The following ME3 variants were observed in gnomAD, a reference collection of about 807,000 sequenced individuals.
ME3 encodes the protein malic enzyme 3.
Under a neutral mutation model 68.9 loss-of-function variants are expected in ME3, and 48 were observed. The observed-to-expected ratio is 0.70, with a 90% confidence interval of 0.55 to 0.89. The LOEUF is 0.89. Ranked by LOEUF, ME3 falls within the 40% of genes least tolerant of loss-of-function variation. The pLI, the probability that ME3 is intolerant of heterozygous loss-of-function variation, is 0.00. For missense variants in ME3, 675 were observed against 797.4 expected (o/e 0.85, Z 1.85); for synonymous variants, 320 against 318.8 (o/e 1.00, Z -0.04).
intron 2 of ME3, among the ~76,000 whole-genome samples, chr11:86,624,531 A>C (rs570709126): frequency 2.0e-5 from 3 of 152,212 alleles, no homozygotes; most frequent in Non-Finnish European, 4.4e-5. Context: ...CCTCATGCAG[A>C]GTTTCTGGAG....
chr11:86,627,334 A>AT (rs1380260480), intron 2 of ME3, among the ~76,000 whole-genome samples: 3 of 152,164 alleles, frequency 2.0e-5, no homozygotes, highest in Non-Finnish European at 2.9e-5. Context: ...TCAATTTCTC[A>AT]TTTTTATCTC....
chr11:86,554,274 TG>T (rs944099928), intron 4 of ME3, among the ~76,000 whole-genome samples: 2 of 151,836 alleles, frequency 1.3e-5, no homozygotes, highest in African/African-American at 4.8e-5. Context: ...GGGGCCAGAG[TG>T]GGGTAGACTT....
At chr11:86,458,402 C>T (rs2138682027) in intron 8 of ME3, among the ~76,000 whole-genome samples, 1 of 152,336 alleles carries the variant, frequency 6.6e-6, no homozygotes, top group East Asian at 1.9e-4. Flanking sequence ...CTAGAGGGCA[C>T]TTCTCTGGCC....
chr11:86,610,485 G>C (rs1309374038), intron 2 of ME3, among the ~76,000 whole-genome samples: 2 of 152,152 alleles, frequency 1.3e-5, no homozygotes, highest in African/African-American at 4.8e-5. Context: ...GGAAATCAGT[G>C]CATATGCCAT....
chr11:86,590,934 T>C (rs1442228422), intron 2 of ME3, among the ~76,000 whole-genome samples: 1 of 152,088 alleles, frequency 6.6e-6, no homozygotes, highest in African/African-American at 2.4e-5. Flanking sequence ...CCAGTGCAAA[T>C]GGAGTAGAGG....
intron 2 of ME3, among the ~76,000 whole-genome samples, chr11:86,575,607 G>T (rs1357425477): frequency 8.4e-6 from 1 of 118,812 alleles, no homozygotes; most frequent in African/African-American, 3.9e-5. Flanking sequence ...TTGCCTTTTA[G>T]AGGAGACAGA....
chr11:86,634,972 A>C (rs763998077), intron 2 of ME3, among the ~76,000 whole-genome samples: 1 of 152,244 alleles, frequency 6.6e-6, no homozygotes. Context: ...GTGAAATTGT[A>C]TCTTTGCTCC....
chr11:86,600,961 A>C (rs1463854033), intron 2 of ME3, among the ~76,000 whole-genome samples: 4 of 151,298 alleles, frequency 2.6e-5, no homozygotes, highest in African/African-American at 9.7e-5. Flanking sequence ...CAGTGTGTAG[A>C]GGGAAATTTA....
intron 2 of ME3, among the ~76,000 whole-genome samples, chr11:86,643,899 T>C (rs546165874): frequency 6.0e-4 from 92 of 152,300 alleles, no homozygotes; most frequent in Admixed American, 1.8e-3. Flanking sequence ...CTCAGTCCTC[T>C]GGGCTCCAGC....
chr11:86,436,657 A>C (rs1299764006), downstream of ME3: 2 of 152,062 alleles, frequency 1.3e-5, no homozygotes, highest in Non-Finnish European at 2.9e-5. Flanking sequence ...TCTGTGATCC[A>C]TTTCAGGTTG....
At chr11:86,653,910 G>A (rs1488678184) in intron 2 of ME3, among the ~76,000 whole-genome samples, 1 of 152,030 alleles carries the variant, frequency 6.6e-6, no homozygotes, top group Admixed American at 6.6e-5. Context: ...ATGATAAAGG[G>A]TATATCACCA....
chr11:86,507,387 A>G (rs1458041136), intron 5 of ME3, among the ~76,000 whole-genome samples: 1 of 152,150 alleles, frequency 6.6e-6, no homozygotes, highest in African/African-American at 2.4e-5. Context: ...TCCAGAGTAG[A>G]TGTGTTGGAG....
chr11:86,516,938 G>A (rs1192243586), intron 4 of ME3, among the ~76,000 whole-genome samples: 1 of 152,092 alleles, frequency 6.6e-6, no homozygotes, highest in African/African-American at 2.4e-5. Flanking sequence ...GGAGCTTTGG[G>A]TTAAGTAGGC....
intron 2 of ME3, among the ~76,000 whole-genome samples, chr11:86,665,544 G>T (rs533500809): frequency 3.7e-4 from 56 of 152,000 alleles, no homozygotes; most frequent in South Asian, 4.2e-4. Context: ...AAGTTAGAGA[G>T]CATCAATATG....
chr11:86,631,389 C>G (rs944693378), intron 2 of ME3, among the ~76,000 whole-genome samples: 4 of 152,192 alleles, frequency 2.6e-5, no homozygotes, highest in Admixed American at 6.5e-5. Context: ...AATCTAAGGT[C>G]AGTCCACCTG....
At chr11:86,497,850 A>T (rs1314915825) in intron 6 of ME3, 113 bp downstream of exon 6, 8 of 1,240,806 alleles carry the variant, frequency 6.4e-6, no homozygotes, top group Non-Finnish European at 8.9e-6. Flanking sequence ...GGAGGATGCC[A>T]AGAAAGAAAT....
rs554730040 is a variant in ME3 at position 86,474,351 on chromosome 11, G to A, written c.810-9151C>T. ...GCCAGACAGAAAACACTCAGGAACA[G>A]CTTGGCTTTCCTCCTGATTTTCCCT... On this transcript the variant is annotated intron_variant, in intron 7 of 14. Coordinates refer to ENST00000543262, the Ensembl canonical transcript of ME3. Among the ~76,000 whole-genome samples the A allele has an allele frequency of 1.2e-4, 18 of 152,348 alleles. 2 individuals carry two copies. The highest frequency in any genetic ancestry group is 9.2e-4 in the Admixed American group (14 of 15,300).
intron 4 of ME3, among the ~76,000 whole-genome samples, chr11:86,536,281 A>T: frequency 1.3e-5 from 2 of 149,978 alleles, no homozygotes; most frequent in African/African-American, 4.9e-5. Flanking sequence ...CAAAATTGAC[A>T]AATGGGATCT....
At chr11:86,449,929 C>A in exon 10 of ME3, 1 of 1,614,128 alleles carries the variant, frequency 6.2e-7, no homozygotes, top group Non-Finnish European at 8.5e-7. Flanking sequence ...CCAGATCTTT[C>A]TTGTGGCCTC....
Sources: gnomAD v4.1 joint callset for allele counts (sites outside exome capture counted in the v4.1 genomes callset) on GRCh38, gnomAD v4.1.1 for gene constraint, MANE v1.5 for transcripts, NCBI Gene and HGNC (gene_info 2026-07-23, HGNC 2026-07-21) for gene names.